Variants in FHIT observed in about 807,000 individuals in gnomAD.
FHIT encodes the protein fragile histidine triad diadenosine triphosphatase.
Under a neutral mutation model 17.9 loss-of-function variants are expected in FHIT, and 19 were observed. That is an observed-to-expected ratio of 1.06 (90% CI 0.74 to 1.56). The LOEUF (loss-of-function observed/expected upper bound fraction) is 1.56. Among genes scored for constraint, FHIT ranks in the 40% most tolerant of loss-of-function variants. The pLI is 0.00. For synonymous variants in FHIT, 81 were observed against 69.7 expected, an observed-to-expected ratio of 1.16 and a Z score of -0.81; for missense variants, 248 against 189.2, an observed-to-expected ratio of 1.31 and a Z score of -1.82.
chr3:60,311,814 G>T (rs931884262), intron 5 of FHIT, among the ~76,000 whole-genome samples: 14 of 152,042 alleles, frequency 9.2e-5, no homozygotes, highest in African/African-American at 3.1e-4. Context: ...AAACATGGTC[G>T]GGGTGGACTT....
intron 2 of FHIT, among the ~76,000 whole-genome samples, chr3:61,195,443 A>G (rs576953340): frequency 1.1e-4 from 16 of 152,276 alleles, no homozygotes; most frequent in African/African-American, 3.6e-4. Flanking sequence ...AGTGGTGGTG[A>G]TGATGATGAA....
chr3:59,799,957 C>G (rs1371089001), intron 8 of FHIT, among the ~76,000 whole-genome samples: 1 of 152,174 alleles, frequency 6.6e-6, no homozygotes, highest in African/African-American at 2.4e-5. Flanking sequence ...AGACATAATA[C>G]TTGAGACTTT....
At chr3:59,827,557 T>A (rs1030771959) in intron 8 of FHIT, among the ~76,000 whole-genome samples, 2 of 152,244 alleles carry the variant, frequency 1.3e-5, no homozygotes, top group Non-Finnish European at 1.5e-5. Flanking sequence ...CTAAGTGCTT[T>A]ACAGGCACAT....
chr3:60,072,166 C>A (rs1702803482), intron 5 of FHIT, among the ~76,000 whole-genome samples: 3 of 152,160 alleles, frequency 2.0e-5, no homozygotes, highest in African/African-American at 4.8e-5. Flanking sequence ...AGCCTGATGA[C>A]AACAGGCAGT....
At chr3:61,177,376 T>A (rs542309484) in intron 2 of FHIT, among the ~76,000 whole-genome samples, 1 of 152,150 alleles carries the variant, frequency 6.6e-6, no homozygotes, top group Non-Finnish European at 1.5e-5. Flanking sequence ...AAAATACTTC[T>A]TAGTTTATAC....
intron 5 of FHIT, among the ~76,000 whole-genome samples, chr3:60,417,966 A>C (rs547844341): frequency 7.0e-4 from 106 of 152,310 alleles, no homozygotes; most frequent in African/African-American, 2.5e-3. Flanking sequence ...CAGAGTTTCA[A>C]ATACACCAGG....
chr3:60,409,288 A>T (rs1701982479), intron 5 of FHIT, among the ~76,000 whole-genome samples: 1 of 152,210 alleles, frequency 6.6e-6, no homozygotes, highest in Admixed American at 6.5e-5. Flanking sequence ...TGAAAACATA[A>T]ATCCTGGAGT....
chr3:60,185,370 C>G (rs1269436375), intron 5 of FHIT, among the ~76,000 whole-genome samples: 1 of 152,176 alleles, frequency 6.6e-6, no homozygotes, highest in African/African-American at 2.4e-5. Context: ...AAAGTTGCAT[C>G]ATGCAGTAGA....
chr3:60,063,320 G>A (rs1702369157), intron 5 of FHIT, among the ~76,000 whole-genome samples: 1 of 152,142 alleles, frequency 6.6e-6, no homozygotes, highest in South Asian at 2.1e-4. Flanking sequence ...CTGAATATAA[G>A]CAAAATAAAA....
chr3:60,156,930 T>C (rs1700724034), intron 5 of FHIT, among the ~76,000 whole-genome samples: 1 of 152,106 alleles, frequency 6.6e-6, no homozygotes, highest in African/African-American at 2.4e-5. Context: ...TTCTTCCATA[T>C]GTAGTTATAT....
chr3:59,911,587 T>G (rs1438553009), intron 8 of FHIT, among the ~76,000 whole-genome samples: 1 of 152,238 alleles, frequency 6.6e-6, no homozygotes, highest in African/African-American at 2.4e-5. Flanking sequence ...GCCTCTAGAC[T>G]AAGCCTCATA....
At chr3:60,139,908 G>T (rs1286751122) in intron 5 of FHIT, among the ~76,000 whole-genome samples, 3 of 152,068 alleles carry the variant, frequency 2.0e-5, no homozygotes, top group Admixed American at 6.6e-5. Context: ...TGGATCATGA[G>T]GTCAGGAGTT....
In FHIT at chr3:60,431,461, G is replaced by A. The variant is rs1482319329; in HGVS notation, c.103+105399C>T. 5.3e-5 allele frequency among the ~76,000 whole-genome samples: 8 copies of A among 152,000 alleles called. No homozygotes were observed. The East Asian group carries it at 1.5e-3, about 29-fold the overall frequency. On this transcript the variant is annotated intron_variant, in intron 5 of 9. Transcript: ENST00000492590. ...TGTAGCTGTCGCTGGCTGTTTCACT[G>A]ACCTATCTCTTGCCGACAGCTCCCT...
At chr3:60,409,408 T>C (rs749767355) in intron 5 of FHIT, among the ~76,000 whole-genome samples, 21 of 152,200 alleles carry the variant, frequency 1.4e-4, no homozygotes, top group South Asian at 2.1e-4. Context: ...AAGCTGAATA[T>C]AGGCATCATT....
chr3:60,637,673 T>C (rs1553684287), intron 4 of FHIT, among the ~76,000 whole-genome samples: 1 of 152,212 alleles, frequency 6.6e-6, no homozygotes, highest in East Asian at 1.9e-4. Context: ...ATGTGAACAC[T>C]GAAGTGCAGA....
At chr3:60,438,957 A>G (rs538032520) in intron 5 of FHIT, among the ~76,000 whole-genome samples, 8 of 152,196 alleles carry the variant, frequency 5.3e-5, no homozygotes, top group Admixed American at 2.0e-4. Flanking sequence ...ATTTAAGAAT[A>G]TAAGAGACTG....
intron 3 of FHIT, among the ~76,000 whole-genome samples, chr3:60,840,163 A>C (rs564874451): frequency 1.3e-5 from 2 of 152,296 alleles, no homozygotes; most frequent in Admixed American, 1.3e-4. Context: ...ATCAGAAATG[A>C]AGGTGTGAAC....
At chr3:60,571,666 A>G (rs905619695) in intron 4 of FHIT, among the ~76,000 whole-genome samples, 1 of 152,184 alleles carries the variant, frequency 6.6e-6, no homozygotes, top group African/African-American at 2.4e-5. Flanking sequence ...TAGAGGGAAT[A>G]GAGAAACTTT....
chr3:60,945,411 T>G (rs1448977208), intron 3 of FHIT, among the ~76,000 whole-genome samples: 2 of 108,824 alleles, frequency 1.8e-5, no homozygotes, highest in Non-Finnish European at 4.3e-5. Flanking sequence ...TTGTTTTGCT[T>G]TGATAGAGTC....
Sources: allele counts gnomAD v4.1 joint callset (sites outside exome capture counted in the v4.1 genomes callset), GRCh38; gene constraint gnomAD v4.1.1; transcripts MANE v1.5; gene names NCBI Gene and HGNC (gene_info 2026-07-23, HGNC 2026-07-21).